ACTN2: variants seen among roughly 807,000 people sequenced by gnomAD.
ACTN2 encodes the protein actinin alpha 2.
Under a neutral mutation model 113.8 loss-of-function variants are expected in ACTN2, and 39 were observed. That is an observed-to-expected ratio of 0.34 (90% confidence interval 0.27 to 0.45). ACTN2 has a LOEUF of 0.45. Ranked by LOEUF, ACTN2 falls within the 20% of genes least tolerant of loss-of-function variation. The pLI, the probability that ACTN2 is intolerant of heterozygous loss-of-function variation, is 1.00. For missense variants in ACTN2, 992 were observed against 1,177.9 expected, an observed-to-expected ratio of 0.84 and a Z score of 2.31; for synonymous variants, 429 against 444.1, an observed-to-expected ratio of 0.97 and a Z score of 0.43.
chr1:236,693,630 G>C (rs976822318), intron 1 of ACTN2, among the ~76,000 whole-genome samples: 1 of 152,048 alleles, frequency 6.6e-6, no homozygotes, highest in Admixed American at 6.6e-5. Context: ...ACCACCTCCC[G>C]TGGAGTCCTC....
At chr1:236,741,963 C>A (rs1426583832) in intron 10 of ACTN2, among the ~76,000 whole-genome samples, 1 of 152,200 alleles carries the variant, frequency 6.6e-6, no homozygotes, top group East Asian at 1.9e-4. Flanking sequence ...CTGCCACACC[C>A]CCTGCCTGCC....
chr1:236,735,737 C>G lies in ACTN2; in HGVS notation c.783+17C>G. On this transcript the variant is annotated intron_variant, in intron 8 of 20. Transcript: ENST00000366578. ...GCGGAGCAGGTACTCAACACTTGTC[C>G]GTCCGGGCTGTTGTGTTACTCTCTG... The G allele has an allele frequency of 6.2e-7, 1 of 1,609,602 alleles. No homozygotes were observed. Among genetic ancestry groups the G allele is most frequent in the Non-Finnish European group, 8.5e-7 (1 of 1,176,020 alleles).
Position 236,755,095 on chromosome 1 carries a change from ACAT to A in ACTN2, c.2057_2059del (p.Ile686del), listed in dbSNP as rs749678360. 1 of 1,614,226 alleles carries A rather than the reference ACAT, an allele frequency of 6.2e-7. No individual in the cohort carries two copies. Among genetic ancestry groups the A allele is most frequent in the Admixed American group, 1.7e-5 (1 of 60,026 alleles). ...AACCAGCTGAAGCAGTATGAGCACAACATCATCAACTATAAGAACAACATCGAC... is the reference window on the plus strand; with the variant it reads ...AACCAGCTGAAGCAGTATGAGCACAACATCAACTATAAGAACAACATCGAC... On this transcript the variant is annotated inframe_deletion, in exon 17 of 21. Coordinates refer to ENST00000366578, the MANE Select transcript of ACTN2 (RefSeq NM_001103.4).
intron 1 of ACTN2, among the ~76,000 whole-genome samples, chr1:236,715,928 C>G (rs754551184): frequency 6.6e-6 from 1 of 151,976 alleles, no homozygotes; most frequent in Non-Finnish European, 1.5e-5. Flanking sequence ...TGCACTCCAG[C>G]CTGGAAGCAA....
At chr1:236,715,210 G>T (rs554629990) in intron 1 of ACTN2, among the ~76,000 whole-genome samples, 1 of 150,738 alleles carries the variant, frequency 6.6e-6, no homozygotes, top group African/African-American at 2.4e-5. Context: ...ACAACGTGTA[G>T]GTTTGTTACA....
rs1060503683 is a variant in ACTN2 at position 236,739,317 on chromosome 1, C to T, written c.892C>T (p.Arg298Cys). The change falls in exon 10 of 21, where the codon CGT becomes TGT. Residue 298 changes from arginine (R) to cysteine (C), a missense_variant. Around this residue, in one of 3 missense-constraint regions of ACTN2, gnomAD observed 736 missense variants for 815.4 expected, o/e 0.90. Coordinates refer to ENST00000366578, the MANE Select transcript of ACTN2 (RefSeq NM_001103.4). ...RLASELLEWI[R>C]RTIPWLENRT... ...TGCGGAGCAGCTTTTGGAATGGATT[C>T]GTCGCACGATCCCCTGGCTGGAGAA... The T allele has an allele frequency of 8.1e-6, 13 of 1,613,666 alleles. No homozygotes were observed. The highest frequency in any genetic ancestry group is 4.5e-5 in the East Asian group (2 of 44,880).
chr1:236,744,553 T>C lies in ACTN2; in HGVS notation c.1256-73T>C, dbSNP rs1451699793. 4 of 1,566,676 alleles carry C rather than the reference T, an allele frequency of 2.6e-6. No homozygotes were observed. In the Admixed American group the frequency reaches 7.0e-5, roughly 28 times the overall value. On this transcript the variant is annotated intron_variant, in intron 11 of 20. Transcript: ENST00000366578. ...GGTTCTTTGGAATCTCACCGCTCCC[T>C]GAGAATGTGGCTGGCATGAGGAAGC...
At chr1:236,693,177 G>GCACACACACACA (rs35891713) in intron 1 of ACTN2, among the ~76,000 whole-genome samples, 54 of 149,148 alleles carry the variant, frequency 3.6e-4, no homozygotes, top group African/African-American at 1.2e-3. Flanking sequence ...CTGCACACAT[G>GCACACACACACA]CACACACACA....
At chr1:236,699,336 T>G (rs1657608066) in intron 1 of ACTN2, among the ~76,000 whole-genome samples, 1 of 152,220 alleles carries the variant, frequency 6.6e-6, no homozygotes, top group Non-Finnish European at 1.5e-5. Context: ...AACGGAATTT[T>G]GAGGCATGGT....
intron 1 of ACTN2, among the ~76,000 whole-genome samples, chr1:236,696,730 A>G (rs1440711329): frequency 3.3e-5 from 5 of 149,704 alleles, no homozygotes; most frequent in Admixed American, 1.3e-4. Context: ...CAGTGGCGCA[A>G]TCTCGGCTCA....
intron 18 of ACTN2, 147 bp from the exon 19 acceptor site, chr1:236,759,577 T>C: frequency 1.4e-6 from 1 of 718,396 alleles, no homozygotes; most frequent in Non-Finnish European, 2.6e-6. Context: ...TTGTGCTGGC[T>C]CCATCCTTCT....
intron 1 of ACTN2, among the ~76,000 whole-genome samples, chr1:236,712,657 A>G (rs3910035): frequency 0.59 from 89,788 of 151,688 alleles, 27,156 homozygotes; most frequent in Non-Finnish European, 0.66. Flanking sequence ...AGACCGTCTT[A>G]TCTCTTTACA....
At chr1:236,695,417 A>G (rs996434180) in intron 1 of ACTN2, among the ~76,000 whole-genome samples, 16 of 150,876 alleles carry the variant, frequency 1.1e-4, no homozygotes, top group Non-Finnish European at 2.2e-4. Flanking sequence ...TGTGTCTGAA[A>G]AAAAAAAAAA....
At position 236,738,299 on chromosome 1, in the gene ACTN2, G is replaced by A. The variant is rs896720891; in HGVS notation, c.877-1003G>A. On this transcript the variant is annotated intron_variant, in intron 9 of 20. Coordinates refer to ENST00000366578, the MANE Select transcript of ACTN2 (RefSeq NM_001103.4). ...GCCGGGATTATTGGCGTGAGCCACC[G>A]CACCTGGCCTTCTTTTTAATTTAGC... 9.5e-4 allele frequency among the ~76,000 whole-genome samples: 145 copies of A among 152,360 alleles called. 1 individual carries two copies. Among genetic ancestry groups the A allele is most frequent in the African/African-American group, 3.3e-3 (137 of 41,588 alleles).
chr1:236,759,794 G>A lies in ACTN2; in HGVS notation c.2367+5G>A, dbSNP rs200469353. On this transcript the variant is annotated splice_donor_5th_base_variant and intron_variant, in intron 19 of 20. Transcript: ENST00000366578. ...ATTTCCATGGGTTATGACCTGGTAA[G>A]ACAGAAGTTGAAATTGTACTAAGAT... 344 of 1,610,922 alleles carry A rather than the reference G, an allele frequency of 2.1e-4. No homozygotes were observed. Among genetic ancestry groups the A allele is most frequent in the Non-Finnish European group, 2.8e-4 (328 of 1,177,154 alleles).
At position 236,721,021 on chromosome 1, in the gene ACTN2, T is replaced by C. The variant is rs1407435525; in HGVS notation, c.448+830T>C. Reference sequence around the variant, plus strand: ...GCCTCTGACTCTGGTTTTTGTTTTTTGTTTTTTTTTTTTTTTTTTTTTTTG... The same window carrying C: ...GCCTCTGACTCTGGTTTTTGTTTTTCGTTTTTTTTTTTTTTTTTTTTTTTG... On this transcript the variant is annotated intron_variant, in intron 4 of 20. Coordinates refer to ENST00000366578, the MANE Select transcript of ACTN2 (RefSeq NM_001103.4). 3.6e-5 allele frequency among the ~76,000 whole-genome samples: 2 copies of C among 55,612 alleles called. 1 individual carries two copies. Among genetic ancestry groups the C allele is most frequent in the Non-Finnish European group, 8.1e-5 (2 of 24,624 alleles). The allele number at this position is 55,612 out of a possible 152,430, so 36.5% of individuals were successfully genotyped here.
chr1:236,688,997 A>C (rs1293864785), intron 1 of ACTN2, among the ~76,000 whole-genome samples: 1 of 152,158 alleles, frequency 6.6e-6, no homozygotes, highest in Non-Finnish European at 1.5e-5. Flanking sequence ...TACAGTTCAG[A>C]GAGTCTCATG....
chr1:236,692,354 G>A (rs937822302), intron 1 of ACTN2, among the ~76,000 whole-genome samples: 3 of 152,240 alleles, frequency 2.0e-5, no homozygotes, highest in Non-Finnish European at 2.9e-5. Context: ...CCAAACTAAT[G>A]AGGAGAGTCT....
chr1:236,737,334 TC>T lies in ACTN2; in HGVS notation c.876+121del, dbSNP rs1346633896. ...ATATATATATTTTGCATTTTTCATC[TC>T]AGATAGGATGAAAGTAGGAAAATAC... On this transcript the variant is annotated intron_variant, in intron 9 of 20. Coordinates refer to ENST00000366578, the MANE Select transcript of ACTN2 (RefSeq NM_001103.4). The T allele has an allele frequency of 1.5e-4, 42 of 281,954 alleles. 7 individuals carry two copies. The Admixed American group carries it at 1.9e-3, about 13-fold the overall frequency. 17.5% of individuals were successfully genotyped at this position (281,954 alleles called of 1,614,324 possible). A position where few individuals can be genotyped will look rare whatever the true frequency, so the allele number is the denominator to read the frequency against.
Sources: allele counts gnomAD v4.1 joint callset (sites outside exome capture counted in the v4.1 genomes callset), GRCh38; gene constraint gnomAD v4.1.1; regional missense constraint gnomAD v4.1.1; transcripts MANE v1.5; gene names NCBI Gene and HGNC (gene_info 2026-07-23, HGNC 2026-07-21).